IQCM: variants seen among roughly 807,000 people sequenced by gnomAD.
IQCM encodes IQ domain-containing protein M.
Under a neutral mutation model 57.6 loss-of-function variants are expected in IQCM, and 45 were observed. The observed-to-expected ratio is 0.78, with a 90% CI of 0.62 to 1.00. The LOEUF (loss-of-function observed/expected upper bound fraction) is 1.00, where lower values mean the gene tolerates loss of function less well. Ranked by LOEUF, IQCM falls within the 50% of genes least tolerant of loss-of-function variation. The pLI is 0.00. For missense variants in IQCM, 468 were observed against 511.6 expected (o/e 0.91, Z 0.82); for synonymous variants, 148 against 158.9 (o/e 0.93, Z 0.51).
At chr4:149,780,004 G>A (rs1156814079) in intron 2 of IQCM, among the ~76,000 whole-genome samples, 1 of 152,042 alleles carries the variant, frequency 6.6e-6, no homozygotes, top group Non-Finnish European at 1.5e-5. Flanking sequence ...AATCCAAATG[G>A]ATTTGAAGGA....
intron 10 of IQCM, 63 bp from the exon 11 acceptor site, chr4:149,553,350 T>A: frequency 2.6e-6 from 3 of 1,175,004 alleles, no homozygotes; most frequent in Non-Finnish European, 3.2e-6. Context: ...ATTTCGCCTC[T>A]TTCATTTAGT....
At chr4:149,703,993 T>C (rs777342421) in intron 5 of IQCM, among the ~76,000 whole-genome samples, 16 of 151,870 alleles carry the variant, frequency 1.1e-4, no homozygotes, top group Non-Finnish European at 1.9e-4. Context: ...AAATGTATGG[T>C]CTTTGTGAAA....
At chr4:149,578,173 T>G (rs1751842881) in intron 9 of IQCM, among the ~76,000 whole-genome samples, 1 of 151,806 alleles carries the variant, frequency 6.6e-6, no homozygotes, top group Admixed American at 6.6e-5. Flanking sequence ...AGAGAGATAG[T>G]TTGACCTCTC....
At chr4:149,732,061 C>G (rs1220240046) in intron 5 of IQCM, among the ~76,000 whole-genome samples, 1 of 152,158 alleles carries the variant, frequency 6.6e-6, no homozygotes, top group African/African-American at 2.4e-5. Context: ...TCATCACTCT[C>G]TCTACAGTTT....
intron 10 of IQCM, 57 bp from the exon 11 acceptor site, chr4:149,553,344 C>T (rs933178916): frequency 3.3e-5 from 39 of 1,195,996 alleles, no homozygotes; most frequent in Non-Finnish European, 4.0e-5. Context: ...AATTTGATTT[C>T]GCCTCTTTCA....
intron 7 of IQCM, among the ~76,000 whole-genome samples, chr4:149,636,729 A>T (rs567404186): frequency 7.9e-5 from 12 of 152,378 alleles, no homozygotes; most frequent in Non-Finnish European, 8.8e-5. Flanking sequence ...AAATAAAATA[A>T]GAAAATGATA....
intron 10 of IQCM, among the ~76,000 whole-genome samples, chr4:149,560,593 T>G (rs1421458444): frequency 1.3e-5 from 2 of 152,168 alleles, no homozygotes; most frequent in Non-Finnish European, 2.9e-5. Context: ...GCACAAAAAT[T>G]TTTAAAGGAA....
chr4:149,420,938 G>T (rs1269260836), intron 13 of IQCM, among the ~76,000 whole-genome samples: 1 of 151,992 alleles, frequency 6.6e-6, no homozygotes, highest in Non-Finnish European at 1.5e-5. Context: ...TACTATTAAA[G>T]TCTATAGTAG....
intron 10 of IQCM, among the ~76,000 whole-genome samples, chr4:149,555,081 A>G (rs1296760755): frequency 6.6e-5 from 10 of 152,126 alleles, no homozygotes; most frequent in Admixed American, 6.5e-4. Flanking sequence ...TTGAATGAAA[A>G]ATTAATTAGC....
chr4:149,374,171 G>C (rs567228445), intron 13 of IQCM, among the ~76,000 whole-genome samples: 1 of 152,214 alleles, frequency 6.6e-6, no homozygotes, highest in East Asian at 1.9e-4. Flanking sequence ...ACCCTTGACA[G>C]GTCATCTCTT....
At chr4:149,435,597 G>GC (rs1280403729) in intron 12 of IQCM, among the ~76,000 whole-genome samples, 1 of 150,508 alleles carries the variant, frequency 6.6e-6, no homozygotes, top group East Asian at 1.9e-4. Context: ...CAGTAAAACA[G>GC]CCTCAGGCAT....
intron 12 of IQCM, among the ~76,000 whole-genome samples, chr4:149,481,696 G>GTTTTGTTTTCTTTTTTTGTT (rs1553975354): frequency 3.0e-5 from 1 of 33,602 alleles, no homozygotes; most frequent in Non-Finnish European, 5.2e-5. Context: ...GATTCTTCCA[G>GTTTTGTTTTCTTTTTTTGTT]TTTTGTTTTT....
chr4:149,766,199 C>A (rs945899625), intron 2 of IQCM, among the ~76,000 whole-genome samples: 1 of 152,104 alleles, frequency 6.6e-6, no homozygotes, highest in Admixed American at 6.6e-5. Context: ...GCCCCATCTA[C>A]AGACAAAATG....
chr4:149,489,166 G>T (rs573440501), intron 12 of IQCM, among the ~76,000 whole-genome samples: 1 of 152,194 alleles, frequency 6.6e-6, no homozygotes, highest in Non-Finnish European at 1.5e-5. Flanking sequence ...GGAGGTAATG[G>T]AATGGAATTA....
intron 5 of IQCM, among the ~76,000 whole-genome samples, chr4:149,694,143 C>G (rs1012172260): frequency 1.3e-5 from 2 of 150,198 alleles, no homozygotes; most frequent in African/African-American, 4.9e-5. Context: ...ATAAATAAGA[C>G]ATTTAATACC....
rs1006918650 is a variant in IQCM at position 149,756,821 on chromosome 4, A to G, written c.-48-14082T>C. On this transcript the variant is annotated intron_variant, in intron 2 of 13. Coordinates refer to ENST00000636793, the MANE Select transcript of IQCM (RefSeq NM_001363507.2). The stretch of plus-strand genomic sequence containing the variant: ...GTTTAAGAAGAGGATAAATAGACTG[A>G]GCAACGTTTAAAGAAAAATTTGGAG... Among the ~76,000 whole-genome samples the G allele has an allele frequency of 3.3e-5, 5 of 152,220 alleles. No individual in the cohort carries two copies. In the South Asian group the frequency reaches 1.0e-3, roughly 31 times the overall value.
At chr4:149,456,704 A>C (rs1737740536) in intron 12 of IQCM, among the ~76,000 whole-genome samples, 1 of 152,116 alleles carries the variant, frequency 6.6e-6, no homozygotes, top group African/African-American at 2.4e-5. Flanking sequence ...AATCCCTCTC[A>C]TGAGAGTCTT....
At chr4:149,597,785 T>A (rs1339848365) in intron 8 of IQCM, among the ~76,000 whole-genome samples, 2 of 151,880 alleles carry the variant, frequency 1.3e-5, no homozygotes, top group Non-Finnish European at 2.9e-5. Context: ...GTGTTTGGGG[T>A]TTTTGTTCTC....
chr4:149,606,071 G>A (rs1260661575), intron 8 of IQCM, among the ~76,000 whole-genome samples: 1 of 152,160 alleles, frequency 6.6e-6, no homozygotes, highest in Admixed American at 6.5e-5. Flanking sequence ...ATGGCATTGA[G>A]CCTTGAATAA....
Sources: gnomAD v4.1 joint callset for allele counts (sites outside exome capture counted in the v4.1 genomes callset) on GRCh38, gnomAD v4.1.1 for gene constraint, MANE v1.5 for transcripts, NCBI Gene and HGNC (gene_info 2026-07-23, HGNC 2026-07-21) for gene names.